The following FYN variants were observed in gnomAD, a reference collection of about 807,000 sequenced individuals.
FYN encodes tyrosine-protein kinase Fyn.
Under a neutral mutation model 70.2 loss-of-function variants are expected in FYN, and 10 were observed. The ratio of observed to expected loss-of-function variants is 0.14; its 90% CI spans 0.09 to 0.24. FYN has a LOEUF of 0.24. FYN is among the 10% of genes least tolerant of loss of function. FYN has a pLI of 1.00. For synonymous variants in FYN, 236 were observed against 248.6 expected, an observed-to-expected ratio of 0.95 and a Z score of 0.48; for missense variants, 319 against 673.1, an observed-to-expected ratio of 0.47 and a Z score of 5.82.
chr6:111,865,682 T>C (rs1774084756), intron 1 of FYN, among the ~76,000 whole-genome samples: 1 of 152,324 alleles, frequency 6.6e-6, no homozygotes, highest in Non-Finnish European at 1.5e-5. Flanking sequence ...CAAATCACTC[T>C]TTTTTCATAG....
At chr6:111,678,424 A>C (rs1030293730) in intron 12 of FYN, among the ~76,000 whole-genome samples, 2 of 152,164 alleles carry the variant, frequency 1.3e-5, no homozygotes, top group African/African-American at 4.8e-5. Context: ...TGTTTTAAAT[A>C]ATTTCTGATA....
intron 12 of FYN, among the ~76,000 whole-genome samples, chr6:111,688,884 A>T (rs926050129): frequency 6.6e-6 from 1 of 152,216 alleles, no homozygotes; most frequent in African/African-American, 2.4e-5. Flanking sequence ...CCCTTGGAGC[A>T]TGCAGGTATA....
At chr6:111,798,233 C>G (rs1175193036) in intron 2 of FYN, 3 of 152,184 alleles carry the variant, frequency 2.0e-5, no homozygotes, top group Admixed American at 6.5e-5. Flanking sequence ...CATAGCACCT[C>G]TACTGTGCAT....
chr6:111,798,026 G>A (rs1482000151), intron 2 of FYN, among the ~76,000 whole-genome samples: 2 of 152,100 alleles, frequency 1.3e-5, no homozygotes, highest in African/African-American at 4.8e-5. Context: ...GCCTCCCAAA[G>A]TGCTGGGATT....
At chr6:111,868,509 T>G (rs2024832) in intron 1 of FYN, among the ~76,000 whole-genome samples, 52,605 of 152,020 alleles carry the variant, frequency 0.35, 13,292 homozygotes, top group African/African-American at 0.72. Flanking sequence ...AGTAGATAAG[T>G]GTCTGAATGG....
At chr6:111,752,857 G>A (rs986382597) in intron 3 of FYN, among the ~76,000 whole-genome samples, 2 of 152,108 alleles carry the variant, frequency 1.3e-5, no homozygotes, top group African/African-American at 4.8e-5. Context: ...CTTGCTTTAG[G>A]AGGGTGGTGG....
chr6:111,806,562 A>G (rs902190703), intron 2 of FYN, among the ~76,000 whole-genome samples: 6 of 152,250 alleles, frequency 3.9e-5, no homozygotes, highest in Non-Finnish European at 8.8e-5. Flanking sequence ...CAAAACAGAT[A>G]GTGTACTATC....
intron 3 of FYN, among the ~76,000 whole-genome samples, chr6:111,722,077 G>A (rs1800978080): frequency 6.6e-6 from 1 of 152,064 alleles, no homozygotes; most frequent in Admixed American, 6.5e-5. Flanking sequence ...GTGCTCCCTG[G>A]GCACTCTTCT....
chr6:111,691,764 T>C lies in FYN; in HGVS notation c.1273+2611A>G, dbSNP rs1335209353. On this transcript the variant is annotated intron_variant, in intron 12 of 13. Transcript: ENST00000354650. ...TAAAATAAAGGGGAAAAGGGATGTATGACTAATCCTCTCTATCTTTATTTT... is the reference window on the plus strand; with the variant it reads ...TAAAATAAAGGGGAAAAGGGATGTACGACTAATCCTCTCTATCTTTATTTT... Among the ~76,000 whole-genome samples the C allele has an allele frequency of 1.0e-3, 157 of 152,368 alleles. 1 individual carries two copies. The highest frequency in any genetic ancestry group is 3.1e-4 in the Non-Finnish European group (21 of 68,032).
intron 6 of FYN, among the ~76,000 whole-genome samples, chr6:111,707,066 A>C (rs1413027902): frequency 1.3e-5 from 2 of 152,216 alleles, no homozygotes; most frequent in East Asian, 3.8e-4. Flanking sequence ...CCATGGTGAA[A>C]TTAAATAGCA....
At position 111,847,974 on chromosome 6, in the gene FYN, G is replaced by A. The variant is rs531799129; in HGVS notation, c.-122-1345C>T. The stretch of plus-strand genomic sequence containing the variant: ...TCTGAGACATGCTGTCCTGTCCTAC[G>A]GAGAAACCGCCAGGCAATAGATGCC... On this transcript the variant is annotated intron_variant, in intron 1 of 13. Coordinates refer to ENST00000354650, the MANE Select transcript of FYN (RefSeq NM_002037.5). Among the ~76,000 whole-genome samples, 6 of 152,268 alleles carry A rather than the reference G, an allele frequency of 3.9e-5. No individual in the cohort carries two copies. In the South Asian group the frequency reaches 1.0e-3, roughly 26 times the overall value.
At chr6:111,676,955 T>A (rs1798552176) in intron 12 of FYN, among the ~76,000 whole-genome samples, 1 of 152,232 alleles carries the variant, frequency 6.6e-6, no homozygotes, top group African/African-American at 2.4e-5. Context: ...TCAGCTTTAT[T>A]ATTTTCTCAT....
chr6:111,747,203 C>T (rs920525752), intron 3 of FYN, among the ~76,000 whole-genome samples: 8 of 152,148 alleles, frequency 5.3e-5, no homozygotes, highest in African/African-American at 1.7e-4. Context: ...TCAGAATTCA[C>T]CAGTTTCCTA....
intron 2 of FYN, among the ~76,000 whole-genome samples, chr6:111,822,219 T>A (rs1383691151): frequency 6.6e-6 from 1 of 152,126 alleles, no homozygotes; most frequent in Non-Finnish European, 1.5e-5. Context: ...AGTAAAGAGT[T>A]GGAACCAACC....
chr6:111,743,530 T>G (rs1802077203), intron 3 of FYN, among the ~76,000 whole-genome samples: 1 of 152,242 alleles, frequency 6.6e-6, no homozygotes, highest in African/African-American at 2.4e-5. Context: ...CTGTGTCCTG[T>G]GCCAAGGGCC....
intron 1 of FYN, among the ~76,000 whole-genome samples, chr6:111,872,567 G>C (rs988758249): frequency 1.3e-5 from 2 of 151,912 alleles, no homozygotes; most frequent in African/African-American, 2.4e-5. Flanking sequence ...GAAGCAGCAC[G>C]GGGCATCAAT....
At chr6:111,796,193 C>T (rs9400507) in intron 2 of FYN, among the ~76,000 whole-genome samples, 1 of 152,154 alleles carries the variant, frequency 6.6e-6, no homozygotes, top group Admixed American at 6.5e-5. Flanking sequence ...TTGCCCACCA[C>T]AAATGTTCTC....
chr6:111,726,686 G>A (rs1426821801), intron 3 of FYN, among the ~76,000 whole-genome samples: 1 of 152,154 alleles, frequency 6.6e-6, no homozygotes, highest in Non-Finnish European at 1.5e-5. Flanking sequence ...TGGTTCCACA[G>A]AGCTCAATAT....
intron 3 of FYN, among the ~76,000 whole-genome samples, chr6:111,728,061 T>A (rs1801270612): frequency 6.6e-6 from 1 of 152,156 alleles, no homozygotes; most frequent in Non-Finnish European, 1.5e-5. Context: ...GTCCCAAACC[T>A]AAATGGCCAA....
Sources: gnomAD v4.1 joint callset for allele counts (sites outside exome capture counted in the v4.1 genomes callset) on GRCh38, gnomAD v4.1.1 for gene constraint, MANE v1.5 for transcripts, NCBI Gene and HGNC (gene_info 2026-07-23, HGNC 2026-07-21) for gene names.